WWP2: variants seen among roughly 807,000 people sequenced by gnomAD.
The protein encoded by WWP2 is NEDD4-like E3 ubiquitin-protein ligase WWP2.
Under a neutral mutation model 121.0 loss-of-function variants are expected in WWP2, and 57 were observed. The observed-to-expected ratio is 0.47, with a 90% confidence interval of 0.38 to 0.59. The LOEUF (loss-of-function observed/expected upper bound fraction) is 0.59. Ranked by LOEUF, WWP2 falls within the 20% of genes least tolerant of loss-of-function variation. The probability of loss-of-function intolerance (pLI) is 0.00; values close to 1 mark genes in which losing one functional copy is unlikely to be tolerated. For synonymous variants in WWP2, 449 were observed against 441.3 expected (o/e 1.02, Z -0.22); for missense variants, 962 against 1,158.9 (o/e 0.83, Z 2.47).
chr16:69,939,742 G>A, intron 23 of WWP2, 99 bp from the exon 24 acceptor site: 4 of 1,105,714 alleles, frequency 3.6e-6, no homozygotes, highest in Non-Finnish European at 3.9e-6. Context: ...CCTAGCCAGT[G>A]TGGTGCAAGC....
At chr16:69,808,980 A>G (rs2056338279) in intron 4 of WWP2, among the ~76,000 whole-genome samples, 1 of 152,222 alleles carries the variant, frequency 6.6e-6, no homozygotes, top group African/African-American at 2.4e-5. Context: ...TTGCCATCCC[A>G]TAAATTTTAC....
chr16:69,824,213 C>T (rs1183261606), intron 4 of WWP2, among the ~76,000 whole-genome samples: 1 of 152,232 alleles, frequency 6.6e-6, no homozygotes, highest in African/African-American at 2.4e-5. Context: ...CATCAGACCT[C>T]ATTTATCTCA....
chr16:69,790,792 T>C (rs948450571), intron 2 of WWP2, among the ~76,000 whole-genome samples: 2 of 152,046 alleles, frequency 1.3e-5, no homozygotes, highest in African/African-American at 4.8e-5. Flanking sequence ...GCCAGGCTGG[T>C]CTCGAACTTC....
chr16:69,922,286 C>A (rs924972107), intron 10 of WWP2, among the ~76,000 whole-genome samples: 1 of 152,020 alleles, frequency 6.6e-6, no homozygotes, highest in Non-Finnish European at 1.5e-5. Flanking sequence ...ACGCTGCAAC[C>A]TTTATGCCCT....
chr16:69,925,340 C>A lies in WWP2; in HGVS notation c.1180-90C>A. On this transcript the variant is annotated intron_variant, in intron 10 of 23. Transcript: ENST00000359154. The surrounding 1 kb of genome is among the most constrained non-coding windows in gnomAD (Gnocchi z 4.0). ...AAAGCGCTCAAATGTGGAAGCCAGT[C>A]ATTGGCATTTTTATTTTTTATTGAT... The A allele has an allele frequency of 1.3e-6, 2 of 1,571,244 alleles. No homozygotes were observed. Among genetic ancestry groups the A allele is most frequent in the South Asian group, 1.2e-5 (1 of 84,858 alleles).
At chr16:69,787,506 C>T (rs1178797449) in intron 2 of WWP2, among the ~76,000 whole-genome samples, 1 of 152,162 alleles carries the variant, frequency 6.6e-6, no homozygotes, top group African/African-American at 2.4e-5. Context: ...GGGAGGATCG[C>T]TTGAGCCTGG....
At chr16:69,791,168 G>T (rs1425308643) in intron 2 of WWP2, among the ~76,000 whole-genome samples, 1 of 151,938 alleles carries the variant, frequency 6.6e-6, no homozygotes, top group Admixed American at 6.6e-5. Flanking sequence ...GTAACATCCT[G>T]AGGTCTCTGT....
chr16:69,866,010 T>A (rs1039728264), intron 6 of WWP2, among the ~76,000 whole-genome samples: 7 of 152,116 alleles, frequency 4.6e-5, no homozygotes, highest in African/African-American at 9.7e-5. Flanking sequence ...AGACTTATGG[T>A]GGCTAGGGAA....
chr16:69,928,872 C>G (rs542620136), intron 11 of WWP2, among the ~76,000 whole-genome samples: 1 of 152,162 alleles, frequency 6.6e-6, no homozygotes, highest in Non-Finnish European at 1.5e-5. Context: ...AGTTTTAGAA[C>G]AAGACTTAGC....
chr16:69,799,559 G>C lies in WWP2; in HGVS notation c.340+264G>C. 1 of 367,512 alleles carries C rather than the reference G, an allele frequency of 2.7e-6. No homozygotes were observed. The highest frequency in any genetic ancestry group is 4.9e-6 in the Non-Finnish European group (1 of 202,676). The allele number at this position is 367,512 out of a possible 1,614,324, so 22.8% of individuals were successfully genotyped here. A position where few individuals can be genotyped will look rare whatever the true frequency, so the allele number is the denominator to read the frequency against. On this transcript the variant is annotated intron_variant, in intron 4 of 23. Coordinates refer to ENST00000359154, the MANE Select transcript of WWP2 (RefSeq NM_001270454.2). This position sits in a 1 kb window ranked among gnomAD's most constrained non-coding sequence, Gnocchi z 4.5. ...CTTCCTTAGGGACTGGAAACTTTCT[G>C]TCTGCCTCTGCTCCTCTTCCCGTTG...
At chr16:69,891,348 A>T (rs2058023101) in intron 8 of WWP2, among the ~76,000 whole-genome samples, 1 of 152,192 alleles carries the variant, frequency 6.6e-6, no homozygotes, top group African/African-American at 2.4e-5. Context: ...TCCAATACCA[A>T]CAAAGGGTGT....
At position 69,931,493 on chromosome 16, in the gene WWP2, C is replaced by CTTT; in HGVS notation, c.1522-6_1522-4dup. ...TTGAGGCTCGATTTAAAGTTCTTTT[C>CTTT]TTTTTTTTTTTTCAGTCAAATGCCC... On this transcript the variant is annotated splice_polypyrimidine_tract_variant and intron_variant, in intron 14 of 23. Coordinates refer to ENST00000359154, the MANE Select transcript of WWP2 (RefSeq NM_001270454.2). 7.9e-7 allele frequency: 1 copy of CTTT among 1,265,488 alleles called. No homozygotes were observed. The highest frequency in any genetic ancestry group is 1.1e-6 in the Non-Finnish European group (1 of 907,686). The allele number at this position is 1,265,488 out of a possible 1,614,324, so 78.4% of individuals were successfully genotyped here.
intron 13 of WWP2, among the ~76,000 whole-genome samples, chr16:69,930,786 C>T (rs1597178320): frequency 1.3e-5 from 2 of 152,272 alleles, no homozygotes; most frequent in South Asian, 2.1e-4. Flanking sequence ...GCGGGAGGAT[C>T]GCTTAAGACC....
At chr16:69,932,934 T>C (rs1443502930) in intron 16 of WWP2, 2 of 440,268 alleles carry the variant, frequency 4.5e-6, no homozygotes, top group South Asian at 1.7e-5. Flanking sequence ...GTCTTCCCGC[T>C]TGGTGTTGGG....
chr16:69,907,898 T>C (rs1173445133), intron 8 of WWP2, among the ~76,000 whole-genome samples: 1 of 152,198 alleles, frequency 6.6e-6, no homozygotes, highest in Non-Finnish European at 1.5e-5. Flanking sequence ...CAAAAATAAA[T>C]GTGAGCATGA....
chr16:69,859,813 G>A (rs1477516036), intron 6 of WWP2, among the ~76,000 whole-genome samples: 27 of 152,122 alleles, frequency 1.8e-4, no homozygotes, highest in African/African-American at 4.3e-4. Context: ...TGGAGAAGGC[G>A]CTCTGCTTCC....
intron 9 of WWP2, among the ~76,000 whole-genome samples, chr16:69,913,457 G>A (rs1036490438): frequency 6.6e-6 from 1 of 152,008 alleles, no homozygotes; most frequent in Non-Finnish European, 1.5e-5. Context: ...AGCCGTGATT[G>A]TGCCACTGCG....
At chr16:69,824,936 AATTTTTGT>A (rs1397867822) in intron 4 of WWP2, among the ~76,000 whole-genome samples, 3 of 151,828 alleles carry the variant, frequency 2.0e-5, no homozygotes, top group Non-Finnish European at 4.4e-5. Context: ...ATGCCTGACT[AATTTTTGT>A]ATTTTTGGTA....
intron 13 of WWP2, among the ~76,000 whole-genome samples, chr16:69,930,464 C>T (rs748103425): frequency 7.9e-5 from 12 of 151,994 alleles, no homozygotes; most frequent in Non-Finnish European, 1.2e-4. Context: ...GACAACATAG[C>T]GAGACCGTGT....
Sources: gnomAD v4.1 joint callset for allele counts (sites outside exome capture counted in the v4.1 genomes callset) on GRCh38, gnomAD v4.1.1 for gene constraint, Gnocchi (gnomAD v3.1) non-coding constraint, MANE v1.5 for transcripts, NCBI Gene and HGNC (gene_info 2026-07-23, HGNC 2026-07-21) for gene names.